The following NRXN1 variants were observed in gnomAD, a reference collection of about 807,000 sequenced individuals.
NRXN1 encodes neurexin-1.
Under a neutral mutation model 150.9 loss-of-function variants are expected in NRXN1, and 39 were observed. The ratio of observed to expected loss-of-function variants is 0.26; its 90% CI spans 0.20 to 0.34. NRXN1 has a LOEUF of 0.34. Among genes scored for constraint, NRXN1 ranks in the 10% least tolerant of loss-of-function variants. The probability of loss-of-function intolerance (pLI) is 1.00; values close to 1 mark genes in which losing one functional copy is unlikely to be tolerated. For synonymous variants in NRXN1, 924 were observed against 757.0 expected, an observed-to-expected ratio of 1.22 and a Z score of -3.62; for missense variants, 1,815 against 1,949.9, an observed-to-expected ratio of 0.93 and a Z score of 1.30.
intron 21 of NRXN1, among the ~76,000 whole-genome samples, chr2:50,022,273 C>A (rs749658817): frequency 2.0e-5 from 3 of 152,190 alleles, no homozygotes; most frequent in Admixed American, 6.5e-5. Context: ...TGAGCCACTG[C>A]GCCCGGCTAC....
rs1672426586 is a variant in NRXN1, at chr2:49,943,797, A to G, written c.4129-6T>C. The G allele has an allele frequency of 6.3e-7, 1 of 1,599,886 alleles. No individual in the cohort carries two copies. The highest frequency in any genetic ancestry group is 1.3e-5 in the African/African-American group (1 of 74,770). ...ACAAGGATGTCATCTGTGGTCTGCAAAAGAATCACATTCAGTAGATTAATT... is the reference window on the plus strand; with the variant it reads ...ACAAGGATGTCATCTGTGGTCTGCAGAAGAATCACATTCAGTAGATTAATT... On this transcript the variant is annotated splice_polypyrimidine_tract_variant and splice_region_variant and intron_variant, in intron 21 of 22. Transcript: ENST00000401669.
chr2:50,964,635 G>C (rs1693763189), intron 2 of NRXN1, among the ~76,000 whole-genome samples: 1 of 151,364 alleles, frequency 6.6e-6, no homozygotes, highest in Admixed American at 6.6e-5. Context: ...ACACGCTTCA[G>C]TACAATTCAT....
chr2:50,968,595 T>C (rs1345736819), intron 2 of NRXN1, among the ~76,000 whole-genome samples: 1 of 152,054 alleles, frequency 6.6e-6, no homozygotes, highest in Non-Finnish European at 1.5e-5. Flanking sequence ...CTCTTACAAA[T>C]CACAAATTAT....
intron 8 of NRXN1, among the ~76,000 whole-genome samples, chr2:50,610,808 T>A (rs1677991827): frequency 1.3e-5 from 2 of 148,318 alleles, no homozygotes; most frequent in Admixed American, 6.9e-5. Flanking sequence ...TTATATATAT[T>A]TTTTGAGACA....
chr2:50,520,438 T>C (rs1275789016), intron 12 of NRXN1, among the ~76,000 whole-genome samples: 1 of 151,966 alleles, frequency 6.6e-6, no homozygotes, highest in East Asian at 1.9e-4. Context: ...AGAAAAAACA[T>C]TGTAGAAATT....
intron 5 of NRXN1, among the ~76,000 whole-genome samples, chr2:50,827,565 A>C (rs1574618274): frequency 1.3e-5 from 2 of 152,314 alleles, no homozygotes; most frequent in South Asian, 2.1e-4. Context: ...AATAGCAATA[A>C]ATTATTGATT....
At chr2:50,354,233 T>C (rs1423118132) in intron 17 of NRXN1, among the ~76,000 whole-genome samples, 2 of 152,136 alleles carry the variant, frequency 1.3e-5, no homozygotes, top group Non-Finnish European at 2.9e-5. Context: ...ATAAATTCTC[T>C]TTACTACAGT....
chr2:50,704,791 A>G (rs180967640), intron 5 of NRXN1, among the ~76,000 whole-genome samples: 85 of 152,060 alleles, frequency 5.6e-4, no homozygotes, highest in Non-Finnish European at 1.0e-3. Context: ...GAAAGAAATA[A>G]GAAAATATTG....
intron 17 of NRXN1, among the ~76,000 whole-genome samples, chr2:50,376,598 C>T (rs986716482): frequency 4.6e-5 from 7 of 151,872 alleles, no homozygotes; most frequent in Non-Finnish European, 8.8e-5. Flanking sequence ...TATATTTTTC[C>T]CACAAATTTC....
chr2:50,477,808 C>A (rs750333270), intron 15 of NRXN1, among the ~76,000 whole-genome samples: 6 of 152,154 alleles, frequency 3.9e-5, no homozygotes, highest in Non-Finnish European at 8.8e-5. Flanking sequence ...TGAAGTCACA[C>A]AAATTAGCTT....
intron 6 of NRXN1, among the ~76,000 whole-genome samples, chr2:50,622,740 G>A (rs1339087246): frequency 6.6e-6 from 1 of 152,074 alleles, no homozygotes; most frequent in Non-Finnish European, 1.5e-5. Context: ...AGAGTCATTT[G>A]GGGTTTAACT....
At chr2:50,478,022 C>T (rs1314332645) in intron 15 of NRXN1, among the ~76,000 whole-genome samples, 2 of 151,978 alleles carry the variant, frequency 1.3e-5, no homozygotes, top group Non-Finnish European at 2.9e-5. Flanking sequence ...AACCTCTGTC[C>T]CCAAATTTGT....
At chr2:50,516,597 G>A (rs564964977) in intron 12 of NRXN1, among the ~76,000 whole-genome samples, 112 of 152,226 alleles carry the variant, frequency 7.4e-4, no homozygotes, top group African/African-American at 2.6e-3. Context: ...TGGGCTTGGT[G>A]ATACACCAAT....
intron 5 of NRXN1, among the ~76,000 whole-genome samples, chr2:50,750,578 G>C (rs1267238625): frequency 6.6e-6 from 1 of 151,860 alleles, no homozygotes; most frequent in African/African-American, 2.4e-5. Flanking sequence ...GTACCCTAGA[G>C]CTGAAAGTAT....
intron 17 of NRXN1, among the ~76,000 whole-genome samples, chr2:50,430,939 C>T (rs6743117): frequency 0.28 from 42,032 of 151,958 alleles, 6,003 homozygotes; most frequent in East Asian, 0.39. Flanking sequence ...TACACTAATG[C>T]CTCATCCACA....
chr2:50,658,501 G>A (rs1245432346), intron 5 of NRXN1, among the ~76,000 whole-genome samples: 1 of 150,038 alleles, frequency 6.7e-6, no homozygotes, highest in African/African-American at 2.5e-5. Flanking sequence ...TATTTCACAT[G>A]TCTTCTAGAA....
chr2:50,793,598 G>A (rs914906801), intron 5 of NRXN1, among the ~76,000 whole-genome samples: 4 of 152,194 alleles, frequency 2.6e-5, no homozygotes, highest in Non-Finnish European at 2.9e-5. Flanking sequence ...AAAATAAAGT[G>A]TGTTCTTTCA....
At chr2:50,004,068 G>T (rs972789742) in intron 21 of NRXN1, among the ~76,000 whole-genome samples, 1 of 152,064 alleles carries the variant, frequency 6.6e-6, no homozygotes, top group African/African-American at 2.4e-5. Context: ...AGGGAGGTGA[G>T]GTATTACTTG....
At chr2:50,862,212 A>AG (rs2106037742) in intron 5 of NRXN1, among the ~76,000 whole-genome samples, 2 of 152,132 alleles carry the variant, frequency 1.3e-5, no homozygotes, top group South Asian at 4.1e-4. Context: ...CAAAAAAAAA[A>AG]AAAAAAAATT....
Sources: gnomAD v4.1 joint callset for allele counts (sites outside exome capture counted in the v4.1 genomes callset) on GRCh38, gnomAD v4.1.1 for gene constraint, MANE v1.5 for transcripts, NCBI Gene and HGNC (gene_info 2026-07-23, HGNC 2026-07-21) for gene names.